IQCK: variants seen among roughly 807,000 people sequenced by gnomAD.
The protein encoded by IQCK is IQ motif containing K.
A neutral mutation model predicts 28.1 loss-of-function variants in IQCK; 29 were observed. The observed-to-expected ratio is 1.03, with a 90% CI of 0.77 to 1.41. IQCK has a LOEUF of 1.41. Among genes scored for constraint, IQCK ranks in the 40% most tolerant of loss-of-function variants. The pLI, the probability that IQCK is intolerant of heterozygous loss-of-function variation, is 0.00. For missense variants in IQCK, 359 were observed against 314.7 expected (o/e 1.14, Z -1.07); for synonymous variants, 113 against 115.1 (o/e 0.98, Z 0.12).
chr16:19,761,690 C>T (rs977173417), intron 4 of IQCK: 5 of 268,230 alleles, frequency 1.9e-5, no homozygotes, highest in Non-Finnish European at 3.7e-5. Context: ...TGGTGCTCCA[C>T]CCCATTGGCA....
At chr16:19,820,044 A>G (rs1294826383) in intron 7 of IQCK, among the ~76,000 whole-genome samples, 2 of 152,186 alleles carry the variant, frequency 1.3e-5, no homozygotes, top group Non-Finnish European at 2.9e-5. Context: ...CCACATGCCA[A>G]AAATGAAATT....
intron 7 of IQCK, among the ~76,000 whole-genome samples, chr16:19,822,101 A>G (rs957065679): frequency 4.7e-5 from 7 of 149,922 alleles, no homozygotes; most frequent in Non-Finnish European, 8.9e-5. Context: ...AAAAACAAAA[A>G]AAAACGGCCA....
intron 1 of IQCK, among the ~76,000 whole-genome samples, chr16:19,720,776 G>A (rs926048221): frequency 1.3e-5 from 2 of 152,178 alleles, no homozygotes; most frequent in East Asian, 3.9e-4. Flanking sequence ...CAGCACTTTG[G>A]GAGGCCAAGG....
chr16:19,815,339 T>C (rs2055971902), intron 7 of IQCK, among the ~76,000 whole-genome samples: 1 of 152,090 alleles, frequency 6.6e-6, no homozygotes, highest in South Asian at 2.1e-4. Flanking sequence ...ATAGGTGATA[T>C]CTACAGCTTT....
At chr16:19,732,918 A>C (rs1436778461) in intron 2 of IQCK, among the ~76,000 whole-genome samples, 1 of 152,156 alleles carries the variant, frequency 6.6e-6, no homozygotes, top group African/African-American at 2.4e-5. Context: ...ATATCGAAGG[A>C]CCAGAAAGAA....
At chr16:19,733,638 G>T in intron 2 of IQCK, 60 bp from the exon 3 acceptor site, 1 of 1,594,386 alleles carries the variant, frequency 6.3e-7, no homozygotes. Flanking sequence ...GGTTATACCA[G>T]AAAATGCAAT....
At chr16:19,724,245 A>T (rs1977585372) in intron 1 of IQCK, among the ~76,000 whole-genome samples, 3 of 152,092 alleles carry the variant, frequency 2.0e-5, no homozygotes, top group African/African-American at 7.2e-5. Flanking sequence ...GTAATTCCTC[A>T]GGCCAATTTC....
At chr16:19,854,850 G>T (rs1040136482) in intron 9 of IQCK, among the ~76,000 whole-genome samples, 1 of 152,146 alleles carries the variant, frequency 6.6e-6, no homozygotes, top group Non-Finnish European at 1.5e-5. Context: ...CAATGTCATC[G>T]TTAGTAGGGT....
At chr16:19,813,875 GT>G (rs1005714320) in intron 7 of IQCK, among the ~76,000 whole-genome samples, 1 of 151,988 alleles carries the variant, frequency 6.6e-6, no homozygotes, top group African/African-American at 2.4e-5. Flanking sequence ...GTTTTGTTTT[GT>G]TTTGTTTTTT....
intron 9 of IQCK, among the ~76,000 whole-genome samples, chr16:19,846,189 A>T (rs1029318958): frequency 9.2e-5 from 14 of 152,196 alleles, no homozygotes; most frequent in Admixed American, 8.5e-4. Context: ...CCTTTTATGG[A>T]TGAGAGAGCT....
rs948196788 is a variant in IQCK, at chr16:19,801,212, ATAAT to A, written c.690+12291_690+12294del. ...GTACACAATAAGTGCTTATGGTTAA[ATAAT>A]ATTTTCACTAGCAGAGAAGTTTGAG... On this transcript the variant is annotated intron_variant, in intron 7 of 7. Transcript: ENST00000564186. Among the ~76,000 whole-genome samples, 4 of 128,822 alleles carry A rather than the reference ATAAT, an allele frequency of 3.1e-5. 1 individual carries two copies. Among genetic ancestry groups the A allele is most frequent in the African/African-American group, 1.6e-4 (4 of 24,704 alleles). 84.5% of individuals were successfully genotyped at this position (128,822 alleles called of 152,430 possible).
intron 4 of IQCK, among the ~76,000 whole-genome samples, chr16:19,744,281 T>G (rs1333237602): frequency 6.6e-6 from 1 of 152,206 alleles, no homozygotes; most frequent in Non-Finnish European, 1.5e-5. Context: ...AGTATATTTT[T>G]TCATTTTAAA....
At chr16:19,811,008 G>T (rs1171488111) in intron 7 of IQCK, among the ~76,000 whole-genome samples, 1 of 152,202 alleles carries the variant, frequency 6.6e-6, no homozygotes, top group Non-Finnish European at 1.5e-5. Flanking sequence ...TACGGTCTGG[G>T]TACAGTGGCT....
intron 9 of IQCK, among the ~76,000 whole-genome samples, chr16:19,851,980 C>G (rs922483211): frequency 1.3e-5 from 2 of 152,152 alleles, no homozygotes; most frequent in African/African-American, 4.8e-5. Flanking sequence ...TAATTTTTAG[C>G]AAAGTAGTGC....
chr16:19,839,191 C>T, intron 9 of IQCK, among the ~76,000 whole-genome samples: 1 of 151,648 alleles, frequency 6.6e-6, no homozygotes, highest in East Asian at 2.0e-4. Flanking sequence ...GATAGGGTCT[C>T]ACTCTGTCAC....
intron 7 of IQCK, among the ~76,000 whole-genome samples, chr16:19,821,244 C>T (rs932478577): frequency 3.3e-5 from 5 of 151,910 alleles, no homozygotes; most frequent in Admixed American, 6.6e-5. Context: ...AAAAATAACA[C>T]GTGTTGACAA....
chr16:19,815,810 C>T (rs1233627520), intron 7 of IQCK, among the ~76,000 whole-genome samples: 1 of 152,166 alleles, frequency 6.6e-6, no homozygotes, highest in East Asian at 1.9e-4. Flanking sequence ...AAGTTGAATT[C>T]AAGAGAGTTA....
intron 6 of IQCK, among the ~76,000 whole-genome samples, chr16:19,782,644 G>A (rs2055503851): frequency 6.7e-6 from 1 of 149,810 alleles, no homozygotes; most frequent in African/African-American, 2.5e-5. Context: ...AAAAGAGAAA[G>A]AGAGAAAGAA....
intron 7 of IQCK, among the ~76,000 whole-genome samples, chr16:19,822,773 G>C (rs1438435857): frequency 6.6e-6 from 1 of 152,056 alleles, no homozygotes; most frequent in African/African-American, 2.4e-5. Context: ...AATGGTGATG[G>C]TTGCATAACA....
Sources: gnomAD v4.1 joint callset for allele counts (sites outside exome capture counted in the v4.1 genomes callset) on GRCh38, gnomAD v4.1.1 for gene constraint, MANE v1.5 for transcripts, NCBI Gene and HGNC (gene_info 2026-07-23, HGNC 2026-07-21) for gene names.